ERBB4: variants seen among roughly 807,000 people sequenced by gnomAD.
ERBB4 encodes erb-b2 receptor tyrosine kinase 4.
Under a neutral mutation model 158.0 loss-of-function variants are expected in ERBB4, and 42 were observed. That is an observed-to-expected ratio of 0.27 (90% CI 0.21 to 0.34). The LOEUF is 0.34. ERBB4 is among the 10% of genes least tolerant of loss of function. ERBB4 has a pLI of 1.00. For missense variants in ERBB4, 1,333 were observed against 1,624.1 expected (o/e 0.82, Z 3.08); for synonymous variants, 583 against 558.7 (o/e 1.04, Z -0.61).
At chr2:211,776,697 T>C (rs1307661439) in intron 4 of ERBB4, among the ~76,000 whole-genome samples, 1 of 152,232 alleles carries the variant, frequency 6.6e-6, no homozygotes, top group African/African-American at 2.4e-5. Flanking sequence ...TTGTTTACAG[T>C]TCTGGAAATT....
In ERBB4 at chr2:211,406,716, ATAGT is replaced by A. The variant is rs1309116872; in HGVS notation, c.3135+13721_3135+13724del. On this transcript the variant is annotated intron_variant, in intron 25 of 27. Coordinates refer to ENST00000342788, the MANE Select transcript of ERBB4 (RefSeq NM_005235.3). ...CGGTTTACCCACAAAAGTGATAAAA[ATAGT>A]TAGTAGTAGATAGATAATAAACAAA... Among the ~76,000 whole-genome samples, 9 of 152,296 alleles carry A rather than the reference ATAGT, an allele frequency of 5.9e-5. No individual in the cohort carries two copies. In the East Asian group the frequency reaches 7.7e-4, roughly 13 times the overall value.
intron 1 of ERBB4, among the ~76,000 whole-genome samples, chr2:212,413,558 G>A (rs2091566606): frequency 6.6e-6 from 1 of 151,872 alleles, no homozygotes; most frequent in African/African-American, 2.4e-5. Flanking sequence ...CAGTTCTATG[G>A]TTTGTATACC....
intron 2 of ERBB4, among the ~76,000 whole-genome samples, chr2:212,001,321 T>C (rs1166335347): frequency 6.6e-6 from 1 of 152,120 alleles, no homozygotes; most frequent in Non-Finnish European, 1.5e-5. Flanking sequence ...CTATGTAGTT[T>C]TATTGCCCAG....
chr2:212,388,417 G>A (rs1028136461), intron 1 of ERBB4, among the ~76,000 whole-genome samples: 1 of 152,094 alleles, frequency 6.6e-6, no homozygotes, highest in Non-Finnish European at 1.5e-5. Flanking sequence ...GGATCTTGAA[G>A]CCAGCATTAA....
intron 20 of ERBB4, among the ~76,000 whole-genome samples, chr2:211,555,975 A>G (rs2067226308): frequency 6.6e-6 from 1 of 152,208 alleles, no homozygotes; most frequent in Non-Finnish European, 1.5e-5. Flanking sequence ...TTTCAATACT[A>G]AATCTTGAAC....
chr2:211,466,389 TATGA>T (rs2064691048), intron 20 of ERBB4, among the ~76,000 whole-genome samples: 1 of 148,690 alleles, frequency 6.7e-6, no homozygotes, highest in Non-Finnish European at 1.5e-5. Flanking sequence ...TGCCATGAAA[TATGA>T]ATGAGTTATC....
intron 25 of ERBB4, among the ~76,000 whole-genome samples, chr2:211,402,560 AAG>A (rs2063067490): frequency 6.6e-6 from 1 of 151,998 alleles, no homozygotes; most frequent in South Asian, 2.1e-4. Flanking sequence ...ATATATTTCC[AAG>A]AGAGTTTGAC....
At chr2:212,290,282 G>A (rs986070589) in intron 1 of ERBB4, among the ~76,000 whole-genome samples, 1 of 152,096 alleles carries the variant, frequency 6.6e-6, no homozygotes, top group Non-Finnish European at 1.5e-5. Flanking sequence ...ACCACTGTAA[G>A]TCTGACCAGT....
intron 2 of ERBB4, among the ~76,000 whole-genome samples, chr2:211,947,919 G>T (rs2080748504): frequency 1.3e-5 from 2 of 152,086 alleles, no homozygotes; most frequent in African/African-American, 4.8e-5. Context: ...AGGAATAAAG[G>T]TCTTGCTTAT....
At chr2:211,551,076 TA>T (rs886813254) in intron 20 of ERBB4, among the ~76,000 whole-genome samples, 1 of 151,926 alleles carries the variant, frequency 6.6e-6, no homozygotes, top group Admixed American at 6.6e-5. Flanking sequence ...GCTTTTTAAT[TA>T]AAAAAAATTA....
chr2:212,377,867 C>T (rs957710812), intron 1 of ERBB4, among the ~76,000 whole-genome samples: 2 of 151,840 alleles, frequency 1.3e-5, no homozygotes, highest in African/African-American at 4.8e-5. Flanking sequence ...TCTTGTAATA[C>T]TACCTACTTT....
chr2:212,192,007 AAT>A (rs1191762553), intron 1 of ERBB4, among the ~76,000 whole-genome samples: 3 of 99,142 alleles, frequency 3.0e-5, no homozygotes, highest in African/African-American at 4.1e-5. Context: ...TGTTATATAT[AAT>A]ATATGTTATA....
Position 211,847,996 on chromosome 2 carries a change from G to C in ERBB4, c.422-59837C>G, listed in dbSNP as rs572595456. Among the ~76,000 whole-genome samples the C allele has an allele frequency of 1.2e-4, 18 of 152,244 alleles. 1 individual carries two copies. The South Asian group carries it at 3.5e-3, about 30-fold the overall frequency. ...TTGAGCAAGGCCATACTAAAAGTAA[G>C]AGAGACAGAGCGGGGCTTCAAACCC... On this transcript the variant is annotated intron_variant, in intron 3 of 27. Transcript: ENST00000342788.
intron 1 of ERBB4, among the ~76,000 whole-genome samples, chr2:212,260,821 A>T (rs573413174): frequency 6.8e-6 from 1 of 147,198 alleles, no homozygotes; most frequent in African/African-American, 2.5e-5. Flanking sequence ...TCAAAAAAAT[A>T]AAAAAAAAAA....
chr2:211,552,690 A>G (rs1447234600), intron 20 of ERBB4, among the ~76,000 whole-genome samples: 1 of 152,226 alleles, frequency 6.6e-6, no homozygotes, highest in Non-Finnish European at 1.5e-5. Context: ...GAAAGGTAAT[A>G]GTGGCCTATA....
At chr2:212,056,632 T>A (rs994992080) in intron 2 of ERBB4, among the ~76,000 whole-genome samples, 1 of 152,138 alleles carries the variant, frequency 6.6e-6, no homozygotes, top group Non-Finnish European at 1.5e-5. Flanking sequence ...TTCAACATTC[T>A]TAAAGAAAAG....
chr2:212,514,544 T>G (rs775580709), intron 1 of ERBB4, among the ~76,000 whole-genome samples: 3 of 152,246 alleles, frequency 2.0e-5, no homozygotes, highest in African/African-American at 2.4e-5. Context: ...CGGTGGCTCA[T>G]GCCTGTAATC....
chr2:212,035,076 T>A (rs935265049), intron 2 of ERBB4, among the ~76,000 whole-genome samples: 2 of 152,194 alleles, frequency 1.3e-5, no homozygotes, highest in African/African-American at 4.8e-5. Context: ...GCTAATAGTT[T>A]AATAACAGAG....
At chr2:212,114,803 A>T (rs2079524132) in intron 2 of ERBB4, among the ~76,000 whole-genome samples, 1 of 152,144 alleles carries the variant, frequency 6.6e-6, no homozygotes, top group African/African-American at 2.4e-5. Flanking sequence ...ACAAATCACC[A>T]CCACCCAAAA....
Sources: gnomAD v4.1 joint callset for allele counts (sites outside exome capture counted in the v4.1 genomes callset) on GRCh38, gnomAD v4.1.1 for gene constraint, MANE v1.5 for transcripts, NCBI Gene and HGNC (gene_info 2026-07-23, HGNC 2026-07-21) for gene names.